The following PRKN variants were observed in gnomAD, a reference collection of about 807,000 sequenced individuals.
The protein encoded by PRKN is parkin RBR E3 ubiquitin protein ligase.
PRKN carries 56 observed loss-of-function variants against 59.5 expected under a neutral mutation model. That is an observed-to-expected ratio of 0.94 (90% CI 0.76 to 1.18). The LOEUF (loss-of-function observed/expected upper bound fraction) is 1.18. PRKN is among the 50% of genes most tolerant of loss of function. PRKN has a pLI of 0.00. For synonymous variants in PRKN, 250 were observed against 222.1 expected, an observed-to-expected ratio of 1.13 and a Z score of -1.12; for missense variants, 657 against 596.4, an observed-to-expected ratio of 1.10 and a Z score of -1.06.
chr6:162,021,459 ATAT>A (rs1170308585), intron 5 of PRKN, among the ~76,000 whole-genome samples: 5 of 33,910 alleles, frequency 1.5e-4, no homozygotes, highest in Admixed American at 2.9e-4. Context: ...ATATATATAT[ATAT>A]TTTTTTTTTT....
chr6:161,932,996 C>T (rs1779222213), intron 6 of PRKN, among the ~76,000 whole-genome samples: 1 of 152,126 alleles, frequency 6.6e-6, no homozygotes, highest in South Asian at 2.1e-4. Context: ...ATCACTAAAA[C>T]CAGCCGGGTG....
chr6:162,685,845 T>C (rs1475626359), intron 1 of PRKN, among the ~76,000 whole-genome samples: 1 of 152,122 alleles, frequency 6.6e-6, no homozygotes, highest in Admixed American at 6.5e-5. Flanking sequence ...TCCCTGTTTT[T>C]CCCTCTCAGT....
chr6:162,301,788 G>C (rs58515500), intron 2 of PRKN, among the ~76,000 whole-genome samples: 3 of 113,820 alleles, frequency 2.6e-5, no homozygotes, highest in Non-Finnish European at 3.7e-5. Flanking sequence ...CGGGGCGGGG[G>C]GGGGGTGCAG....
At chr6:162,525,417 C>G (rs1778239992) in intron 1 of PRKN, among the ~76,000 whole-genome samples, 1 of 152,180 alleles carries the variant, frequency 6.6e-6, no homozygotes, top group South Asian at 2.1e-4. Flanking sequence ...CCCTGAAATG[C>G]TGGGCCCAGG....
At chr6:162,074,140 C>T (rs1333238011) in intron 4 of PRKN, among the ~76,000 whole-genome samples, 1 of 142,034 alleles carries the variant, frequency 7.0e-6, no homozygotes, top group African/African-American at 2.7e-5. Context: ...GGTATATACC[C>T]AAAGGACTAT....
At chr6:161,777,831 TGTATAC>T (rs1212985198) in intron 7 of PRKN, among the ~76,000 whole-genome samples, 1 of 136,132 alleles carries the variant, frequency 7.3e-6, no homozygotes, top group Non-Finnish European at 1.5e-5. Flanking sequence ...TATATGTATA[TGTATAC>T]GTATATATGT....
chr6:161,821,716 G>GTTTTTT (rs1792033783), intron 6 of PRKN, among the ~76,000 whole-genome samples: 1 of 72,572 alleles, frequency 1.4e-5, no homozygotes, highest in Admixed American at 1.9e-4. Flanking sequence ...TTCCACTGGT[G>GTTTTTT]TTCTTTTTTT....
intron 3 of PRKN, among the ~76,000 whole-genome samples, chr6:162,226,944 T>A (rs1297143489): frequency 2.0e-5 from 3 of 152,202 alleles, no homozygotes; most frequent in Non-Finnish European, 4.4e-5. Context: ...ATCCTAATCC[T>A]GAGCACAGAA....
chr6:162,121,285 C>T (rs1028256047), intron 4 of PRKN, among the ~76,000 whole-genome samples: 3 of 151,904 alleles, frequency 2.0e-5, no homozygotes, highest in Admixed American at 6.6e-5. Context: ...TATGCCAACC[C>T]GTGGAAAATA....
At chr6:162,576,201 TA>T (rs1439649149) in intron 1 of PRKN, among the ~76,000 whole-genome samples, 1 of 152,188 alleles carries the variant, frequency 6.6e-6, no homozygotes, top group Admixed American at 6.5e-5. Flanking sequence ...CTCACCTATG[TA>T]CCATTGAACA....
chr6:162,233,417 C>T (rs549791067), intron 3 of PRKN, among the ~76,000 whole-genome samples: 13 of 152,138 alleles, frequency 8.5e-5, no homozygotes, highest in East Asian at 3.9e-4. Flanking sequence ...CAAATATGCA[C>T]ATACAAGATG....
At position 161,423,768 on chromosome 6, in the gene PRKN, C is replaced by T. The variant is rs773083014; in HGVS notation, c.1084-36891G>A. 1.6e-4 allele frequency among the ~76,000 whole-genome samples: 24 copies of T among 152,204 alleles called. No homozygotes were observed. Among genetic ancestry groups the T allele is most frequent in the Non-Finnish European group, 2.5e-4 (17 of 68,054 alleles). On this transcript the variant is annotated intron_variant, in intron 9 of 11. Coordinates refer to ENST00000366898, the MANE Select transcript of PRKN (RefSeq NM_004562.3). This position sits in a 1 kb window ranked among gnomAD's most constrained non-coding sequence, Gnocchi z 5.9. ...GCTACACACAACCACTATCATCTTT[C>T]TCCACCATTTGTCTAGAAGAGGGAG...
chr6:162,335,682 A>C (rs1020187136), intron 2 of PRKN, among the ~76,000 whole-genome samples: 3 of 152,152 alleles, frequency 2.0e-5, no homozygotes, highest in South Asian at 2.1e-4. Flanking sequence ...TAATAATTAC[A>C]TCAAACTGCT....
intron 9 of PRKN, among the ~76,000 whole-genome samples, chr6:161,434,837 T>C (rs9347512): frequency 0.55 from 83,837 of 151,938 alleles, 23,531 homozygotes; most frequent in East Asian, 0.84. Flanking sequence ...TTCTGTAATA[T>C]ATTCATCTTT....
chr6:162,333,228 CTTTTTTT>C (rs200926335), intron 2 of PRKN, among the ~76,000 whole-genome samples: 1 of 138,000 alleles, frequency 7.2e-6, no homozygotes, highest in Admixed American at 7.3e-5. Flanking sequence ...ACATTAAAAT[CTTTTTTT>C]TTTTTTTTTT....
In PRKN at chr6:162,310,408, C is replaced by A. The variant is rs949527037; in HGVS notation, c.172-47643G>T. On this transcript the variant is annotated intron_variant, in intron 2 of 11. Transcript: ENST00000366898. ...TGACGGAAGCAGAGGATGCCAGAAG[C>A]AGAGGATGCCAGATGCAGGGTCAGG... is the stretch of plus-strand genomic sequence containing the variant. 2.0e-5 allele frequency among the ~76,000 whole-genome samples: 3 copies of A among 152,120 alleles called. No homozygotes were observed. In the East Asian group the frequency reaches 5.8e-4, roughly 29 times the overall value.
At position 161,413,279 on chromosome 6, in the gene PRKN, T is replaced by C. The variant is rs888321192; in HGVS notation, c.1084-26402A>G. On this transcript the variant is annotated intron_variant, in intron 9 of 11. Coordinates refer to ENST00000366898, the MANE Select transcript of PRKN (RefSeq NM_004562.3). This position sits in a 1 kb window ranked among gnomAD's most constrained non-coding sequence, Gnocchi z 4.4. Reference sequence around the variant, plus strand: ...AGGGTCTGTAAGACTCCCCGTGACATTCCTGTTCCTTGTTCCACTGCCAGG... The same window carrying C: ...AGGGTCTGTAAGACTCCCCGTGACACTCCTGTTCCTTGTTCCACTGCCAGG... Among the ~76,000 whole-genome samples, 1 of 152,152 alleles carries C rather than the reference T, an allele frequency of 6.6e-6. No homozygotes were observed. The highest frequency in any genetic ancestry group is 1.5e-5 in the Non-Finnish European group (1 of 68,040).
intron 2 of PRKN, among the ~76,000 whole-genome samples, chr6:162,285,241 A>AGG (rs1217751983): frequency 6.7e-6 from 1 of 149,250 alleles, no homozygotes; most frequent in Non-Finnish European, 1.5e-5. Flanking sequence ...GGCATGTATC[A>AGG]GGGATCTTCA....
At chr6:161,641,687 C>CA (rs1190583345) in intron 7 of PRKN, among the ~76,000 whole-genome samples, 1 of 152,162 alleles carries the variant, frequency 6.6e-6, no homozygotes, top group Non-Finnish European at 1.5e-5. Context: ...ACCCATTGGG[C>CA]AGTATAGGAT....
Sources: gnomAD v4.1 joint callset for allele counts (sites outside exome capture counted in the v4.1 genomes callset) on GRCh38, gnomAD v4.1.1 for gene constraint, Gnocchi (gnomAD v3.1) non-coding constraint, MANE v1.5 for transcripts, NCBI Gene and HGNC (gene_info 2026-07-23, HGNC 2026-07-21) for gene names.